The following NPSR1 variants were observed in gnomAD, a reference collection of about 807,000 sequenced individuals.
NPSR1 encodes neuropeptide S receptor 1, also known as neuropeptide S receptor.
NPSR1 carries 48 observed loss-of-function variants against 46.9 expected under a neutral mutation model. The observed-to-expected ratio is 1.02, with a 90% CI of 0.81 to 1.30. NPSR1 has a LOEUF of 1.30. NPSR1 is among the 50% of genes most tolerant of loss of function. The pLI is 0.00. For synonymous variants in NPSR1, 176 were observed against 168.1 expected (o/e 1.05, Z -0.36); for missense variants, 450 against 449.5 (o/e 1.00, Z -0.01).
intron 6 of NPSR1, among the ~76,000 whole-genome samples, chr7:34,844,238 T>C (rs1790670544): frequency 1.3e-5 from 2 of 152,216 alleles, no homozygotes; most frequent in Non-Finnish European, 2.9e-5. Flanking sequence ...TCATTCAACA[T>C]ATTTGTGTTA....
At chr7:34,757,463 C>T (rs1785923145) in intron 2 of NPSR1, among the ~76,000 whole-genome samples, 1 of 152,150 alleles carries the variant, frequency 6.6e-6, no homozygotes, top group Non-Finnish European at 1.5e-5. Context: ...AGTGTTTGTT[C>T]CCCACTTCCT....
intron 8 of NPSR1, among the ~76,000 whole-genome samples, chr7:34,869,582 C>T (rs1310372816): frequency 6.6e-6 from 1 of 151,740 alleles, no homozygotes; most frequent in Non-Finnish European, 1.5e-5. Flanking sequence ...TAGCAATGTT[C>T]CCGGACTTCC....
intron 3 of NPSR1, among the ~76,000 whole-genome samples, chr7:34,802,981 G>T (rs531519871): frequency 3.6e-4 from 54 of 150,534 alleles, no homozygotes; most frequent in Non-Finnish European, 6.8e-4. Context: ...CACCACCACT[G>T]GCCATCAGAG....
intron 2 of NPSR1, among the ~76,000 whole-genome samples, chr7:34,704,993 G>A (rs1794028230): frequency 6.6e-6 from 1 of 152,112 alleles, no homozygotes; most frequent in Admixed American, 6.5e-5. Context: ...TTGTCTATAT[G>A]TTCAGTCTCT....
At chr7:34,777,078 A>C (rs1044885967) in intron 2 of NPSR1, among the ~76,000 whole-genome samples, 17 of 152,100 alleles carry the variant, frequency 1.1e-4, no homozygotes, top group African/African-American at 4.1e-4. Context: ...TAGCCACCCA[A>C]GCTGGTATCT....
At chr7:34,747,609 GAC>G (rs954565479) in intron 2 of NPSR1, among the ~76,000 whole-genome samples, 4 of 147,050 alleles carry the variant, frequency 2.7e-5, no homozygotes, top group African/African-American at 1.0e-4. Flanking sequence ...AGGCATCTTA[GAC>G]ACACACACAC....
At position 34,692,220 on chromosome 7, in the gene NPSR1, A is replaced by G. The variant is rs1406687529; in HGVS notation, c.280+7536A>G. On this transcript the variant is annotated intron_variant, in intron 2 of 8. Coordinates refer to ENST00000360581, the MANE Select transcript of NPSR1 (RefSeq NM_207172.2). ...AAATGGACCTAATAGACATTTATAG[A>G]ACATTTCATTTAATAACTGTAAAAT... Among the ~76,000 whole-genome samples, 3 of 152,194 alleles carry G rather than the reference A, an allele frequency of 2.0e-5. No individual in the cohort carries two copies. The East Asian group carries it at 5.8e-4, about 29-fold the overall frequency.
At chr7:34,730,214 T>G (rs1275265545) in intron 2 of NPSR1, among the ~76,000 whole-genome samples, 1 of 152,146 alleles carries the variant, frequency 6.6e-6, no homozygotes, top group Non-Finnish European at 1.5e-5. Context: ...CAGAAACAAA[T>G]CAAATATATA....
At chr7:34,861,370 C>T (rs1791187793) in intron 8 of NPSR1, among the ~76,000 whole-genome samples, 2 of 151,926 alleles carry the variant, frequency 1.3e-5, no homozygotes, top group African/African-American at 4.9e-5. Flanking sequence ...CCTTGCTTTC[C>T]TCAGATCTTT....
At chr7:34,805,869 C>A (rs1788673451) in intron 3 of NPSR1, among the ~76,000 whole-genome samples, 1 of 151,718 alleles carries the variant, frequency 6.6e-6, no homozygotes, top group African/African-American at 2.4e-5. Flanking sequence ...CAAAAACGGC[C>A]AAAAGATCTG....
At chr7:34,791,961 A>G (rs770742579) in intron 3 of NPSR1, among the ~76,000 whole-genome samples, 1 of 152,126 alleles carries the variant, frequency 6.6e-6, no homozygotes, top group Non-Finnish European at 1.5e-5. Context: ...AAAATAAACA[A>G]TGGGGAAAGG....
Position 34,878,075 on chromosome 7 carries a change from G to C in NPSR1, c.1026-1G>C, listed in dbSNP as rs1791617646. The C allele has an allele frequency of 1.9e-6, 3 of 1,596,564 alleles. No individual in the cohort carries two copies. The highest frequency in any genetic ancestry group is 2.6e-6 in the Non-Finnish European group (3 of 1,168,040). On this transcript the variant is annotated splice_acceptor_variant, in intron 8 of 8. Coordinates refer to the NPSR1 transcript ENST00000359791. LOFTEE classifies it high-confidence loss of function. ...TTCAATAAGCCTTTCTTCTTTCCCA[G>C]GGTCATCCGTCTCCGTCAGCTCCAG...
chr7:34,827,646 G>A lies in NPSR1; in HGVS notation c.680+44G>A. 4.0e-6 allele frequency: 3 copies of A among 753,666 alleles called. 1 individual carries two copies. The highest frequency in any genetic ancestry group is 6.5e-6 in the Non-Finnish European group (3 of 461,562). 46.7% of individuals were successfully genotyped at this position (753,666 alleles called of 1,614,324 possible). On this transcript the variant is annotated intron_variant, in intron 5 of 8. Transcript: ENST00000360581. ...AGGACCACACGGGGGGGTGGGGCGG[G>A]GGGGGCTTTCCTGTTTCTCCAGCTG...
intron 2 of NPSR1, chr7:34,753,308 G>A (rs1785640124): frequency 6.6e-6 from 1 of 152,208 alleles, no homozygotes; most frequent in African/African-American, 2.4e-5. Context: ...GGTGGTCCTA[G>A]ATTCAAATAT....
chr7:34,688,919 A>C (rs960343266), intron 2 of NPSR1, among the ~76,000 whole-genome samples: 2 of 152,188 alleles, frequency 1.3e-5, no homozygotes, highest in Admixed American at 1.3e-4. Context: ...CAGGCATTTG[A>C]AGCACCAACT....
At chr7:34,796,081 C>T (rs1788157268) in intron 3 of NPSR1, among the ~76,000 whole-genome samples, 1 of 152,014 alleles carries the variant, frequency 6.6e-6, no homozygotes, top group South Asian at 2.1e-4. Context: ...ATAGCAAGCC[C>T]AGAAATAGTC....
intron 6 of NPSR1, among the ~76,000 whole-genome samples, chr7:34,844,398 G>C (rs1436404105): frequency 1.3e-5 from 2 of 152,036 alleles, no homozygotes; most frequent in East Asian, 1.9e-4. Flanking sequence ...CTATTTTGGA[G>C]AGTTCTGATA....
chr7:34,864,398 C>T (rs1791263075), intron 8 of NPSR1, among the ~76,000 whole-genome samples: 1 of 149,664 alleles, frequency 6.7e-6, no homozygotes, highest in Non-Finnish European at 1.5e-5. Flanking sequence ...AAAAAAAAGA[C>T]ACTCCAGCAA....
intron 2 of NPSR1, among the ~76,000 whole-genome samples, chr7:34,742,379 C>A (rs554874283): frequency 1.3e-5 from 2 of 152,288 alleles, no homozygotes; most frequent in East Asian, 3.9e-4. Context: ...TTCATAAGTT[C>A]TCATCATTTA....
Sources: allele counts gnomAD v4.1 joint callset (sites outside exome capture counted in the v4.1 genomes callset), GRCh38; gene constraint gnomAD v4.1.1; transcripts MANE v1.5; gene names NCBI Gene and HGNC (gene_info 2026-07-23, HGNC 2026-07-21).